CAB39: variants seen among roughly 807,000 people sequenced by gnomAD.
The protein encoded by CAB39 is calcium-binding protein 39.
Under a neutral mutation model 40.0 loss-of-function variants are expected in CAB39, and 8 were observed. That is an observed-to-expected ratio of 0.20 (90% confidence interval 0.12 to 0.36). The LOEUF (loss-of-function observed/expected upper bound fraction) is 0.36. Among genes scored for constraint, CAB39 ranks in the 10% least tolerant of loss-of-function variants. The pLI, the probability that CAB39 is intolerant of heterozygous loss-of-function variation, is 1.00. For synonymous variants in CAB39, 156 were observed against 141.6 expected (o/e 1.10, Z -0.72); for missense variants, 270 against 401.1 (o/e 0.67, Z 2.79).
At chr2:230,780,011 A>T (rs1210681180) in intron 2 of CAB39, among the ~76,000 whole-genome samples, 7 of 152,160 alleles carry the variant, frequency 4.6e-5, no homozygotes, top group African/African-American at 1.7e-4. Flanking sequence ...AAGAAATGGA[A>T]TGGGTCTTAG....
In CAB39 at chr2:230,712,885, A is replaced by G. The variant is rs1214556130; in HGVS notation, c.-389A>G. The G allele has an allele frequency of 6.6e-6, 1 of 151,850 alleles. No homozygotes were observed. The highest frequency in any genetic ancestry group is 2.1e-4 in the South Asian group (1 of 4,818). 9.4% of individuals were successfully genotyped at this position (151,850 alleles called of 1,614,324 possible). A position where few individuals can be genotyped will look rare whatever the true frequency, so the allele number is the denominator to read the frequency against. ...CCGGGCTCGGGCCGCAAGCGGGGCG[A>G]GGGGTTCGGGGAGCGGCGCGGCCTG... On this transcript the variant is annotated 5_prime_UTR_variant, in exon 1 of 9. Coordinates refer to ENST00000258418, the MANE Select transcript of CAB39 (RefSeq NM_016289.4).
intron 1 of CAB39, among the ~76,000 whole-genome samples, chr2:230,753,659 G>C (rs148859558): frequency 1.7e-3 from 251 of 150,890 alleles, no homozygotes; most frequent in African/African-American, 5.7e-3. Flanking sequence ...AGGCAGAATT[G>C]CTTGAACCCA....
intron 2 of CAB39, among the ~76,000 whole-genome samples, chr2:230,785,008 G>C (rs773945563): frequency 3.9e-5 from 6 of 152,172 alleles, no homozygotes; most frequent in Non-Finnish European, 7.4e-5. Flanking sequence ...AGTTGTCCAG[G>C]ACTAGTTAAG....
At chr2:230,721,989 A>G (rs1032401451) in intron 1 of CAB39, among the ~76,000 whole-genome samples, 7 of 151,678 alleles carry the variant, frequency 4.6e-5, no homozygotes, top group Non-Finnish European at 1.0e-4. Context: ...ACTAATTCGG[A>G]TGATAATTTT....
At chr2:230,773,526 G>T (rs1217232074) in intron 2 of CAB39, among the ~76,000 whole-genome samples, 1 of 152,088 alleles carries the variant, frequency 6.6e-6, no homozygotes, top group Non-Finnish European at 1.5e-5. Flanking sequence ...TTGAAATTCA[G>T]CGATTATCTT....
At chr2:230,794,616 G>C (rs927493733) in intron 4 of CAB39, among the ~76,000 whole-genome samples, 1 of 152,208 alleles carries the variant, frequency 6.6e-6, no homozygotes, top group Non-Finnish European at 1.5e-5. Context: ...GCTCTCACCT[G>C]TGCTGGCCAG....
At chr2:230,777,426 T>G (rs868479904) in intron 2 of CAB39, among the ~76,000 whole-genome samples, 9 of 151,650 alleles carry the variant, frequency 5.9e-5, no homozygotes, top group Non-Finnish European at 7.4e-5. Flanking sequence ...CAATTTTGTT[T>G]TTTTTTTTTT....
intron 5 of CAB39, among the ~76,000 whole-genome samples, chr2:230,800,167 GCCC>G (rs1276578326): frequency 6.6e-6 from 1 of 152,126 alleles, no homozygotes; most frequent in Admixed American, 6.5e-5. Context: ...ATTATGAAAA[GCCC>G]CTGAAATAAT....
At chr2:230,794,086 C>G (rs1381252659) in intron 4 of CAB39, among the ~76,000 whole-genome samples, 1 of 152,106 alleles carries the variant, frequency 6.6e-6, no homozygotes, top group South Asian at 2.1e-4. Context: ...GTGGTCTGTT[C>G]TATTAAGTTG....
intron 5 of CAB39, among the ~76,000 whole-genome samples, chr2:230,802,253 C>A (rs1041991203): frequency 2.6e-5 from 4 of 152,186 alleles, no homozygotes; most frequent in Non-Finnish European, 5.9e-5. Context: ...CTCTGGGACA[C>A]ATTTAAAACA....
intron 1 of CAB39, 115 bp from the exon 2 acceptor site, chr2:230,759,844 A>T (rs1695258127): frequency 2.0e-6 from 1 of 490,134 alleles, no homozygotes; most frequent in African/African-American, 2.0e-5. Flanking sequence ...CTGATTTTGA[A>T]AGTTATGTAA....
At chr2:230,725,096 T>C in intron 1 of CAB39, 1 of 1,601,254 alleles carries the variant, frequency 6.2e-7, no homozygotes, top group Non-Finnish European at 8.5e-7. Flanking sequence ...CCTACTCGGC[T>C]GCAAACTCTG....
At chr2:230,763,484 C>A (rs1317220015) in intron 2 of CAB39, among the ~76,000 whole-genome samples, 1 of 151,736 alleles carries the variant, frequency 6.6e-6, no homozygotes, top group Non-Finnish European at 1.5e-5. Context: ...CCCAGCTACT[C>A]AAAGAGACTG....
chr2:230,713,744 A>G (rs111947074), intron 1 of CAB39: 1 of 152,406 alleles, frequency 6.6e-6, no homozygotes, highest in African/African-American at 2.4e-5. Context: ...CAATGGAACC[A>G]CCCCAAGCGC....
chr2:230,783,361 TCC>T (rs1347937073), intron 2 of CAB39, among the ~76,000 whole-genome samples: 2 of 152,248 alleles, frequency 1.3e-5, no homozygotes, highest in Non-Finnish European at 2.9e-5. Context: ...CTGGCTCCCT[TCC>T]TTTGAACTGC....
At chr2:230,760,744 A>G (rs538969843) in intron 2 of CAB39, among the ~76,000 whole-genome samples, 4 of 152,186 alleles carry the variant, frequency 2.6e-5, no homozygotes, top group African/African-American at 9.6e-5. Flanking sequence ...CCAAAACCCA[A>G]CTTTCATCCC....
intron 1 of CAB39, among the ~76,000 whole-genome samples, chr2:230,719,345 G>GA (rs1399969877): frequency 6.6e-6 from 1 of 152,144 alleles, no homozygotes; most frequent in African/African-American, 2.4e-5. Flanking sequence ...CAAAATATGT[G>GA]CTCCCTGAAA....
chr2:230,719,651 A>G (rs1213951395), intron 1 of CAB39, among the ~76,000 whole-genome samples: 1 of 152,198 alleles, frequency 6.6e-6, no homozygotes, highest in Non-Finnish European at 1.5e-5. Context: ...AAGCCTGGGA[A>G]TCGAAAGATC....
At chr2:230,765,874 G>C (rs533088048) in intron 2 of CAB39, among the ~76,000 whole-genome samples, 8 of 152,156 alleles carry the variant, frequency 5.3e-5, no homozygotes, top group African/African-American at 1.9e-4. Context: ...AACCAGCATT[G>C]AACAAGAATA....
Sources: allele counts gnomAD v4.1 joint callset (sites outside exome capture counted in the v4.1 genomes callset), GRCh38; gene constraint gnomAD v4.1.1; transcripts MANE v1.5; gene names NCBI Gene and HGNC (gene_info 2026-07-23, HGNC 2026-07-21).